CAMKMT: variants seen among roughly 807,000 people sequenced by gnomAD.
CAMKMT encodes calmodulin-lysine N-methyltransferase, also known as CaM KMT.
In CAMKMT, 53 loss-of-function variants were observed where a neutral mutation model predicts 48.0. The ratio of observed to expected loss-of-function variants is 1.10; its 90% CI spans 0.89 to 1.39. The LOEUF is 1.39. Ranked by LOEUF, CAMKMT falls within the 40% of genes most tolerant of loss-of-function variation. The pLI, the probability that CAMKMT is intolerant of heterozygous loss-of-function variation, is 0.00. For synonymous variants in CAMKMT, 165 were observed against 152.3 expected, an observed-to-expected ratio of 1.08 and a Z score of -0.61; for missense variants, 428 against 402.7, an observed-to-expected ratio of 1.06 and a Z score of -0.54.
chr2:44,740,497 T>C (rs1342453978), intron 7 of CAMKMT, among the ~76,000 whole-genome samples: 1 of 152,128 alleles, frequency 6.6e-6, no homozygotes, highest in Admixed American at 6.5e-5. Flanking sequence ...AGGAGGGGAA[T>C]AGTGTCAGAA....
chr2:44,599,234 A>T (rs1308744708), intron 3 of CAMKMT, among the ~76,000 whole-genome samples: 2 of 152,160 alleles, frequency 1.3e-5, no homozygotes, highest in Non-Finnish European at 2.9e-5. Context: ...AAATACTGTG[A>T]CCATAACTCA....
intron 3 of CAMKMT, among the ~76,000 whole-genome samples, chr2:44,510,319 T>G (rs1670475628): frequency 6.6e-6 from 1 of 152,194 alleles, no homozygotes; most frequent in South Asian, 2.1e-4. Context: ...AGAATGTCTG[T>G]TAATTTGAGT....
chr2:44,709,886 C>T (rs978517868), intron 6 of CAMKMT, among the ~76,000 whole-genome samples: 1 of 152,088 alleles, frequency 6.6e-6, no homozygotes, highest in African/African-American at 2.4e-5. Context: ...GCTAATTATT[C>T]TTAATGGGCA....
chr2:44,566,285 A>G (rs991053321), intron 3 of CAMKMT, among the ~76,000 whole-genome samples: 3 of 152,188 alleles, frequency 2.0e-5, no homozygotes, highest in African/African-American at 7.2e-5. Flanking sequence ...GAGTTTCTAG[A>G]TAAATTTTGA....
At chr2:44,368,815 A>C (rs900985347) in intron 1 of CAMKMT, among the ~76,000 whole-genome samples, 1 of 152,130 alleles carries the variant, frequency 6.6e-6, no homozygotes, top group African/African-American at 2.4e-5. Flanking sequence ...AGCTCTGTTG[A>C]GTAGTTTGTT....
intron 3 of CAMKMT, among the ~76,000 whole-genome samples, chr2:44,536,480 G>A (rs979383384): frequency 2.8e-4 from 42 of 151,354 alleles, no homozygotes; most frequent in African/African-American, 3.2e-4. Flanking sequence ...GCCCGCCACC[G>A]TGCCCAGCTA....
At chr2:44,756,286 T>C (rs1180645316) in intron 9 of CAMKMT, among the ~76,000 whole-genome samples, 1 of 152,216 alleles carries the variant, frequency 6.6e-6, no homozygotes, top group African/African-American at 2.4e-5. Context: ...CAGGGCTGGC[T>C]GTTTGGCTTC....
chr2:44,389,792 T>C (rs1312500114), intron 2 of CAMKMT, among the ~76,000 whole-genome samples: 1 of 152,202 alleles, frequency 6.6e-6, no homozygotes, highest in Non-Finnish European at 1.5e-5. Flanking sequence ...GTAGATGGAA[T>C]AGCAGACCTG....
chr2:44,404,342 TG>T (rs1682629633), intron 3 of CAMKMT, among the ~76,000 whole-genome samples: 1 of 152,156 alleles, frequency 6.6e-6, no homozygotes, highest in Non-Finnish European at 1.5e-5. Context: ...TTTGCATATG[TG>T]TGTACATATG....
intron 3 of CAMKMT, among the ~76,000 whole-genome samples, chr2:44,637,601 G>C (rs1023748739): frequency 2.0e-5 from 3 of 150,704 alleles, no homozygotes; most frequent in African/African-American, 7.3e-5. Context: ...TTTTTTTCTG[G>C]GCTACCCAAT....
intron 3 of CAMKMT, among the ~76,000 whole-genome samples, chr2:44,423,112 T>C (rs1455573681): frequency 2.0e-5 from 3 of 152,184 alleles, no homozygotes; most frequent in Non-Finnish European, 4.4e-5. Flanking sequence ...CTGGTTTCAG[T>C]AGAATTATCC....
intron 3 of CAMKMT, among the ~76,000 whole-genome samples, chr2:44,675,929 TC>T (rs1675661762): frequency 6.6e-6 from 1 of 152,236 alleles, no homozygotes. Flanking sequence ...ACAGTATTTT[TC>T]TTTTTGTGGC....
intron 3 of CAMKMT, among the ~76,000 whole-genome samples, chr2:44,655,668 G>A (rs1275464842): frequency 6.6e-6 from 1 of 152,162 alleles, no homozygotes; most frequent in Admixed American, 6.5e-5. Flanking sequence ...AAAGCAAGGA[G>A]CAGAGAGTCT....
At chr2:44,486,066 G>A (rs1669201868) in intron 3 of CAMKMT, among the ~76,000 whole-genome samples, 1 of 152,164 alleles carries the variant, frequency 6.6e-6, no homozygotes, top group Non-Finnish European at 1.5e-5. Flanking sequence ...CTGGGTTCAA[G>A]CAATTCTCAT....
At chr2:44,700,154 C>T (rs1287162067) in intron 3 of CAMKMT, among the ~76,000 whole-genome samples, 1 of 152,232 alleles carries the variant, frequency 6.6e-6, no homozygotes, top group East Asian at 1.9e-4. Context: ...AACTTTTCTT[C>T]TGCAGATTCC....
chr2:44,570,027 A>G (rs1401650040), intron 3 of CAMKMT, among the ~76,000 whole-genome samples: 2 of 152,154 alleles, frequency 1.3e-5, no homozygotes, highest in African/African-American at 4.8e-5. Flanking sequence ...TAGAGATGCT[A>G]CATAGTTAAT....
chr2:44,484,675 G>C (rs1669128805), intron 3 of CAMKMT, among the ~76,000 whole-genome samples: 1 of 129,340 alleles, frequency 7.7e-6, no homozygotes, highest in Admixed American at 8.5e-5. Context: ...GTTAGGTAAG[G>C]ATATCTTAAA....
At chr2:44,502,315 T>C (rs1670048202) in intron 3 of CAMKMT, among the ~76,000 whole-genome samples, 1 of 152,164 alleles carries the variant, frequency 6.6e-6, no homozygotes. Flanking sequence ...AACCCTGCCC[T>C]GTGCTCTTGT....
chr2:44,423,851 T>A (rs925622014), intron 3 of CAMKMT, among the ~76,000 whole-genome samples: 1 of 152,248 alleles, frequency 6.6e-6, no homozygotes, highest in African/African-American at 2.4e-5. Flanking sequence ...TTTTAACTTT[T>A]CTAAGTAGTC....
Sources: allele counts gnomAD v4.1 joint callset (sites outside exome capture counted in the v4.1 genomes callset), GRCh38; gene constraint gnomAD v4.1.1; transcripts MANE v1.5; gene names NCBI Gene and HGNC (gene_info 2026-07-23, HGNC 2026-07-21).